KDM3B: variants seen among roughly 807,000 people sequenced by gnomAD.
KDM3B encodes lysine demethylase 3B, also known as lysine-specific demethylase 3B.
A neutral mutation model predicts 170.0 loss-of-function variants in KDM3B; 10 were observed. The observed-to-expected ratio is 0.06, with a 90% CI of 0.04 to 0.10. The LOEUF is 0.10. Ranked by LOEUF, KDM3B falls within the 10% of genes least tolerant of loss-of-function variation. KDM3B has a pLI of 1.00. For synonymous variants in KDM3B, 831 were observed against 834.8 expected, an observed-to-expected ratio of 1.00 and a Z score of 0.08; for missense variants, 1,394 against 2,195.2, an observed-to-expected ratio of 0.64 and a Z score of 7.29.
chr5:138,401,810 T>C (rs993882008), intron 11 of KDM3B, among the ~76,000 whole-genome samples: 1 of 152,252 alleles, frequency 6.6e-6, no homozygotes, highest in African/African-American at 2.4e-5. Context: ...GTTATAGCCA[T>C]CACAGTGGCT....
intron 9 of KDM3B, 105 bp from the exon 10 acceptor site, chr5:138,398,073 C>T: frequency 1.2e-6 from 1 of 835,072 alleles, no homozygotes; most frequent in Non-Finnish European, 1.9e-6. Flanking sequence ...AATTCTTAGT[C>T]TGATTCCTGT....
At chr5:138,411,402 C>A (rs777433494) in intron 11 of KDM3B, among the ~76,000 whole-genome samples, 1 of 152,136 alleles carries the variant, frequency 6.6e-6, no homozygotes, top group Non-Finnish European at 1.5e-5. Context: ...CATATATAAT[C>A]ATATCTAAGA....
rs756768121 is a variant in KDM3B, at chr5:138,420,816, A to G, written c.3826A>G (p.Ser1276Gly). The change falls in exon 15 of 24, where the codon AGT (serine) becomes GGT (glycine). Residue 1276 changes from serine (S) to glycine (G), a missense_variant. Physicochemically the swap from Ser to Gly is moderately conservative, Grantham distance 56. Transcript: ENST00000314358. ...TCCGCTGACTCCAAAGCTTTTTAAC[A>G]GTCTGTTGCTGGGTCCCACTGCCTC... ...VSPLTPKLFN[S>G]LLLGPTASNN... 1 of 1,614,150 alleles carries G rather than the reference A, an allele frequency of 6.2e-7. No homozygotes were observed. The highest frequency in any genetic ancestry group is 8.5e-7 in the Non-Finnish European group (1 of 1,180,030).
intron 1 of KDM3B, among the ~76,000 whole-genome samples, chr5:138,370,439 C>T (rs554655342): frequency 6.6e-6 from 1 of 152,196 alleles, no homozygotes; most frequent in East Asian, 1.9e-4. Flanking sequence ...GTATAAATTT[C>T]CTGAATTTTC....
intron 12 of KDM3B, 94 bp downstream of exon 12, chr5:138,415,333 T>G: frequency 1.6e-6 from 1 of 636,696 alleles, no homozygotes; most frequent in African/African-American, 1.8e-5. Context: ...TTAGCCTCAT[T>G]TTTTCTTTTA....
intron 10 of KDM3B, 51 bp downstream of exon 10, chr5:138,398,443 A>G: frequency 2.6e-6 from 4 of 1,519,550 alleles, no homozygotes; most frequent in African/African-American, 1.4e-5. Context: ...AAAAACTTTT[A>G]TTTTCTTTCA....
At chr5:138,418,849 C>A in intron 13 of KDM3B, 104 bp from the exon 14 acceptor site, 2 of 1,078,534 alleles carry the variant, frequency 1.9e-6, no homozygotes, top group Non-Finnish European at 2.7e-6. Context: ...GTTTACATGA[C>A]AGATTATTCT....
chr5:138,380,583 A>G (rs961990445), intron 5 of KDM3B, among the ~76,000 whole-genome samples: 20 of 128,876 alleles, frequency 1.6e-4, no homozygotes, highest in African/African-American at 4.7e-4. Context: ...ATCATTGCCA[A>G]TATTTTCACT....
At chr5:138,359,894 C>T (rs951619500) in intron 1 of KDM3B, among the ~76,000 whole-genome samples, 3 of 151,922 alleles carry the variant, frequency 2.0e-5, no homozygotes, top group Non-Finnish European at 4.4e-5. Context: ...TACTCCTTTC[C>T]TTTGATTAGA....
chr5:138,385,936 C>G (rs768522359), intron 6 of KDM3B, 86 bp from the exon 7 acceptor site: 1 of 1,469,210 alleles, frequency 6.8e-7, no homozygotes, highest in Non-Finnish European at 9.2e-7. Flanking sequence ...GCTTTGTCTG[C>G]TTCTAGAGAT....
chr5:138,404,902 G>T (rs915070429), intron 11 of KDM3B, among the ~76,000 whole-genome samples: 6 of 149,318 alleles, frequency 4.0e-5, no homozygotes, highest in Non-Finnish European at 5.9e-5. Context: ...TTTTTGTGGG[G>T]TTTTTTATAT....
At chr5:138,388,626 G>A (rs972341156) in intron 7 of KDM3B, among the ~76,000 whole-genome samples, 1 of 143,866 alleles carries the variant, frequency 7.0e-6, no homozygotes, top group South Asian at 2.2e-4. Context: ...GGGCAACAGA[G>A]CGAGACTCCG....
intron 23 of KDM3B, among the ~76,000 whole-genome samples, chr5:138,434,578 A>G (rs1465577541): frequency 1.3e-5 from 2 of 150,886 alleles, no homozygotes; most frequent in African/African-American, 2.4e-5. Context: ...TTTCCTGACT[A>G]CCCTGTTTAG....
intron 6 of KDM3B, 105 bp from the exon 7 acceptor site, chr5:138,385,917 T>C: frequency 7.4e-7 from 1 of 1,353,712 alleles, no homozygotes; most frequent in South Asian, 1.5e-5. Flanking sequence ...AACTTGGCAG[T>C]CTATGCCTGC....
intron 11 of KDM3B, among the ~76,000 whole-genome samples, chr5:138,408,420 G>A (rs1762880179): frequency 7.0e-6 from 1 of 142,998 alleles, no homozygotes; most frequent in South Asian, 2.2e-4. Flanking sequence ...AATTGAATTT[G>A]TAGTTTCAAA....
At chr5:138,372,392 A>G (rs1350715130) in intron 1 of KDM3B, among the ~76,000 whole-genome samples, 1 of 151,896 alleles carries the variant, frequency 6.6e-6, no homozygotes, top group African/African-American at 2.4e-5. Flanking sequence ...TACGAATTAG[A>G]AACTAAGAGT....
chr5:138,402,002 C>T (rs1455739327), intron 11 of KDM3B, among the ~76,000 whole-genome samples: 1 of 151,806 alleles, frequency 6.6e-6, no homozygotes, highest in Non-Finnish European at 1.5e-5. Context: ...CATCATGGCT[C>T]ATTGCAGCCT....
At chr5:138,396,838 T>C (rs575828107) in intron 9 of KDM3B, among the ~76,000 whole-genome samples, 147 of 152,276 alleles carry the variant, frequency 9.7e-4, no homozygotes, top group African/African-American at 2.7e-3. Flanking sequence ...AGAAACTGTA[T>C]TGTGACTGTC....
chr5:138,408,929 G>A (rs368426701), intron 11 of KDM3B, among the ~76,000 whole-genome samples: 4 of 152,228 alleles, frequency 2.6e-5, no homozygotes, highest in East Asian at 3.9e-4. Context: ...CTTTCAGGGG[G>A]CCATAATACA....
Sources: allele counts gnomAD v4.1 joint callset (sites outside exome capture counted in the v4.1 genomes callset), GRCh38; gene constraint gnomAD v4.1.1; transcripts MANE v1.5; gene names NCBI Gene and HGNC (gene_info 2026-07-23, HGNC 2026-07-21).